Variants in REPS2 observed in about 807,000 individuals in gnomAD.
REPS2 encodes the protein RALBP1 associated Eps domain containing 2, also known as ralBP1-associated Eps domain-containing protein 2.
REPS2 carries 23 observed loss-of-function variants against 53.6 expected under a neutral mutation model. The observed-to-expected ratio is 0.43, with a 90% CI of 0.31 to 0.61. The LOEUF (loss-of-function observed/expected upper bound fraction) is 0.61, where lower values mean the gene tolerates loss of function less well. Among genes scored for constraint, REPS2 ranks in the 20% least tolerant of loss-of-function variants. REPS2 has a pLI of 0.11. For missense variants in REPS2, 446 were observed against 534.9 expected (o/e 0.83, Z 1.64); for synonymous variants, 238 against 218.6 (o/e 1.09, Z -0.78).
At chrX:17,112,095 G>C (rs2062979151) in intron 14 of REPS2, among the ~76,000 whole-genome samples, 1 of 110,025 alleles carries the variant, frequency 9.1e-6, no homozygotes, top group African/African-American at 3.3e-5. Flanking sequence ...GGGTAGCTGG[G>C]ACTATAGGTC....
At chrX:17,027,659 G>GTTTTTTT (rs761592588) in intron 4 of REPS2, among the ~76,000 whole-genome samples, 2 of 67,266 alleles carry the variant, frequency 3.0e-5, no homozygotes, top group Non-Finnish European at 5.3e-5. Context: ...AAATCTTTAG[G>GTTTTTTT]TTTTTTTTTT....
At chrX:16,959,748 A>C (rs2060638101) in intron 1 of REPS2, among the ~76,000 whole-genome samples, 2 of 111,868 alleles carry the variant, frequency 1.8e-5, no homozygotes, top group Admixed American at 1.9e-4. Flanking sequence ...CATTCAAAGA[A>C]GAGTTAATAC....
intron 1 of REPS2, among the ~76,000 whole-genome samples, chrX:16,983,014 TG>T (rs34074692): frequency 4.4e-5 from 5 of 112,488 alleles, no homozygotes; most frequent in Non-Finnish European, 7.5e-5. Flanking sequence ...TTATCACACA[TG>T]GGGAAGTGCT....
chrX:17,014,888 A>C (rs745426756), intron 2 of REPS2, among the ~76,000 whole-genome samples: 5 of 113,059 alleles, frequency 4.4e-5, no homozygotes, highest in African/African-American at 1.6e-4. Flanking sequence ...TTTCATGCTA[A>C]ATGTTCAAAT....
chrX:16,968,975 G>A (rs1182301199), intron 1 of REPS2, among the ~76,000 whole-genome samples: 52 of 110,712 alleles, frequency 4.7e-4, no homozygotes, highest in African/African-American at 1.5e-3. Context: ...CAGACGGGGC[G>A]GCTGCTGGGC....
At chrX:17,059,356 G>C (rs2062124315) in intron 8 of REPS2, among the ~76,000 whole-genome samples, 1 of 97,453 alleles carries the variant, frequency 1.0e-5, no homozygotes, top group Admixed American at 1.1e-4. Context: ...TTTTCTAATT[G>C]ATCTATATTC....
intron 5 of REPS2, among the ~76,000 whole-genome samples, chrX:17,034,139 A>G (rs546362278): frequency 1.8e-5 from 2 of 111,637 alleles, no homozygotes; most frequent in African/African-American, 3.3e-5. Flanking sequence ...CAACTCAGCC[A>G]GAGGGATGGG....
chrX:16,969,123 C>T lies in REPS2; in HGVS notation c.273+21989C>T, dbSNP rs367708920. Among the ~76,000 whole-genome samples the T allele has an allele frequency of 1.4e-4, 15 of 104,129 alleles. No individual in the cohort carries two copies. The East Asian group carries it at 2.2e-3, about 15-fold the overall frequency. The allele number at this position is 104,129 out of a possible 115,157, so 90.4% of individuals were successfully genotyped here. A position where few individuals can be genotyped will look rare whatever the true frequency, so the allele number is the denominator to read the frequency against. On this transcript the variant is annotated intron_variant, in intron 1 of 17. Coordinates refer to ENST00000357277, the MANE Select transcript of REPS2 (RefSeq NM_004726.3). ...GCAGAGGCACTCCCCACATCTCAGA[C>T]GATGGGCGGCCGGGCAGAGACGCTC...
intron 2 of REPS2, among the ~76,000 whole-genome samples, chrX:17,015,379 C>T (rs1347558251): frequency 5.4e-5 from 6 of 111,810 alleles, no homozygotes; most frequent in Non-Finnish European, 1.1e-4. Flanking sequence ...GGGTCAACAA[C>T]CTTTTTCTTT....
At chrX:16,968,718 C>G (rs1384751983) in intron 1 of REPS2, among the ~76,000 whole-genome samples, 2 of 92,745 alleles carry the variant, frequency 2.2e-5, no homozygotes, top group Non-Finnish European at 2.2e-5. Flanking sequence ...ACCTCCCTCC[C>G]GGACGGGGCG....
chrX:17,072,897 A>G (rs1054296777), intron 11 of REPS2, among the ~76,000 whole-genome samples: 2 of 112,113 alleles, frequency 1.8e-5, no homozygotes, highest in Non-Finnish European at 3.8e-5. Context: ...AGGGGACTCA[A>G]ACTCCTTGGG....
rs1184011374 is a variant in REPS2, at chrX:17,098,564, G to A, written c.1517-5154G>A. On this transcript the variant is annotated intron_variant, in intron 13 of 17. Coordinates refer to ENST00000357277, the MANE Select transcript of REPS2 (RefSeq NM_004726.3). ...GATGGATCTCATGACTCAAGACAGA[G>A]CATTTTGGGTATCAGTTACTTCTTA... 3.1e-4 allele frequency among the ~76,000 whole-genome samples: 34 copies of A among 111,407 alleles called. 1 individual carries two copies. The highest frequency in any genetic ancestry group is 4.6e-3 in the Middle Eastern group (1 of 219).
chrX:16,951,803 A>G (rs1418661603), intron 1 of REPS2, among the ~76,000 whole-genome samples: 1 of 112,237 alleles, frequency 8.9e-6, no homozygotes, highest in Non-Finnish European at 1.9e-5. Context: ...CCGCTTTATA[A>G]TATCTATCTT....
intron 5 of REPS2, among the ~76,000 whole-genome samples, chrX:17,035,636 C>T (rs2061755982): frequency 9.0e-6 from 1 of 110,807 alleles, no homozygotes; most frequent in Admixed American, 9.6e-5. Context: ...TTCTTCAGAG[C>T]AAATACAGAT....
intron 13 of REPS2, among the ~76,000 whole-genome samples, chrX:17,096,225 T>G (rs2062695355): frequency 8.9e-6 from 1 of 111,744 alleles, no homozygotes; most frequent in East Asian, 2.8e-4. Context: ...TGCCTCAAAG[T>G]TTTCCTGTCG....
At chrX:17,010,472 G>A (rs1008002606) in intron 2 of REPS2, among the ~76,000 whole-genome samples, 1 of 111,920 alleles carries the variant, frequency 8.9e-6, no homozygotes, top group Non-Finnish European at 1.9e-5. Context: ...GCTGGGTAAT[G>A]CTTCTGCAGG....
At chrX:17,109,634 G>A (rs1481604896) in intron 14 of REPS2, among the ~76,000 whole-genome samples, 2 of 111,000 alleles carry the variant, frequency 1.8e-5, no homozygotes, top group African/African-American at 6.6e-5. Context: ...AGGTCCTGCT[G>A]GAAGAACTAG....
chrX:17,005,202 G>A (rs868591251), intron 1 of REPS2, among the ~76,000 whole-genome samples: 3 of 111,366 alleles, frequency 2.7e-5, no homozygotes, highest in African/African-American at 9.8e-5. Flanking sequence ...TTGAGAATTT[G>A]TTGACTGTAT....
intron 1 of REPS2, among the ~76,000 whole-genome samples, chrX:16,950,508 C>T (rs748432027): frequency 1.8e-5 from 2 of 112,413 alleles, no homozygotes; most frequent in East Asian, 5.6e-4. Context: ...TTCCCATCAG[C>T]AATGCATTGG....
Sources: gnomAD v4.1 joint callset for allele counts (sites outside exome capture counted in the v4.1 genomes callset) on GRCh38, gnomAD v4.1.1 for gene constraint, MANE v1.5 for transcripts, NCBI Gene and HGNC (gene_info 2026-07-23, HGNC 2026-07-21) for gene names.